The following TYK2 variants were observed in gnomAD, a reference collection of about 807,000 sequenced individuals.
The protein encoded by TYK2 is non-receptor tyrosine-protein kinase TYK2.
In TYK2, 65 loss-of-function variants were observed where a neutral mutation model predicts 130.9. The observed-to-expected ratio is 0.50, with a 90% CI of 0.41 to 0.61. The LOEUF (loss-of-function observed/expected upper bound fraction) is 0.61, where lower values mean the gene tolerates loss of function less well. Ranked by LOEUF, TYK2 falls within the 20% of genes least tolerant of loss-of-function variation. TYK2 has a pLI of 0.00. For synonymous variants in TYK2, 647 were observed against 658.9 expected, an observed-to-expected ratio of 0.98 and a Z score of 0.28; for missense variants, 1,378 against 1,610.7, an observed-to-expected ratio of 0.86 and a Z score of 2.47.
At chr19:10,356,905 G>T in intron 17 of TYK2, 187 bp from the exon 18 acceptor site, 1 of 647,046 alleles carries the variant, frequency 1.5e-6, no homozygotes, top group Admixed American at 2.4e-5. Flanking sequence ...ACCAGGACTG[G>T]GACCCAGGTC....
At chr19:10,369,937 G>C (rs775980456) in intron 3 of TYK2, 4 of 330,958 alleles carry the variant, frequency 1.2e-5, no homozygotes, top group African/African-American at 2.2e-5. Flanking sequence ...CCAGCTACTT[G>C]GGAGGCTGAG....
intron 15 of TYK2, among the ~76,000 whole-genome samples, chr19:10,358,393 T>C (rs1333202295): frequency 6.7e-6 from 1 of 149,102 alleles, no homozygotes; most frequent in Non-Finnish European, 1.5e-5. Flanking sequence ...TTCAAACTCC[T>C]GGGCTCAAGC....
At position 10,361,833 on chromosome 19, in the gene TYK2, G is replaced by C; in HGVS notation, c.1896C>G (p.Asp632Glu). The change falls in exon 13 of 25, where the codon GAC (aspartate) becomes GAG (glutamate). Residue 632 changes from aspartate to glutamate, a missense_variant. Asp to Glu is a conservative substitution (Grantham distance 45). Transcript: ENST00000525621. This position sits in a 1 kb window ranked among gnomAD's most constrained non-coding sequence, Gnocchi z 4.0. ...GCACCACTCGTAGCTCCTGCCCACG[G>C]TCCCTGCCAGGCACGAGGGGGTCCT... ...DDEDPLVPGR[D>E]RGQELRVVLK... 1 of 1,613,970 alleles carries C rather than the reference G, an allele frequency of 6.2e-7. No individual in the cohort carries two copies. Among genetic ancestry groups the C allele is most frequent in the East Asian group, 2.2e-5 (1 of 44,880 alleles).
chr19:10,366,503 A>G lies in TYK2; in HGVS notation c.543T>C (p.Asn181=). ...GCAGAAAGGCCATGCCCAGGCTCTC[A>G]TTCTTAAAGTGGTGGATCTCCTCCT... ...STEEEIHHFK[N]ESLGMAFLHL... Residue 181 remains asparagine (N), a synonymous_variant, in exon 6 of 25, where the codon AAT becomes AAC. Coordinates refer to ENST00000525621, the MANE Select transcript of TYK2 (RefSeq NM_003331.5). The G allele has an allele frequency of 6.2e-7, 1 of 1,614,070 alleles. No homozygotes were observed. Among genetic ancestry groups the G allele is most frequent in the Non-Finnish European group, 8.5e-7 (1 of 1,179,998 alleles).
chr19:10,360,988 T>G (rs1044897204), intron 14 of TYK2: 17 of 353,146 alleles, frequency 4.8e-5, no homozygotes, highest in African/African-American at 3.6e-4. Flanking sequence ...CTCCTGGGTT[T>G]AAGCGATCCT....
chr19:10,363,938 CCAGA>C (rs771048226), intron 9 of TYK2, among the ~76,000 whole-genome samples: 6 of 152,268 alleles, frequency 3.9e-5, no homozygotes, highest in East Asian at 3.9e-4. Context: ...GGGCCAGTGA[CCAGA>C]CAAAGAGACA....
Position 10,361,230 on chromosome 19 carries a change from A to G in TYK2, c.2047+281T>C. Reference sequence around the variant, plus strand: ...GGCTGGACTGTAGAGGTTGTTTGGGAGGTTGATGGAAGTGGGGATGTAGTT... The same window carrying G: ...GGCTGGACTGTAGAGGTTGTTTGGGGGGTTGATGGAAGTGGGGATGTAGTT... On this transcript the variant is annotated intron_variant, in intron 14 of 24. Transcript: ENST00000525621. The surrounding 1 kb of genome is among the most constrained non-coding windows in gnomAD (Gnocchi z 4.0). 1 of 584,916 alleles carries G rather than the reference A, an allele frequency of 1.7e-6. No homozygotes were observed. The highest frequency in any genetic ancestry group is 3.1e-6 in the Non-Finnish European group (1 of 320,700). 36.2% of individuals were successfully genotyped at this position (584,916 alleles called of 1,614,324 possible).
Position 10,364,592 on chromosome 19 carries a change from G to C in TYK2, c.1367+22C>G. On this transcript the variant is annotated intron_variant, in intron 9 of 24. Coordinates refer to ENST00000525621, the MANE Select transcript of TYK2 (RefSeq NM_003331.5). The surrounding 1 kb of genome is among the most constrained non-coding windows in gnomAD (Gnocchi z 4.9). ...TTGGCACCCTTGGCGGTGGCCCCCA[G>C]CGCCCCCCACCCAGCACTCACAGCA... is the stretch of plus-strand genomic sequence containing the variant. 1.2e-6 allele frequency: 2 copies of C among 1,613,340 alleles called. No individual in the cohort carries two copies. The highest frequency in any genetic ancestry group is 1.7e-6 in the Non-Finnish European group (2 of 1,179,896).
At chr19:10,355,502 T>C (rs1262282563) in intron 18 of TYK2, among the ~76,000 whole-genome samples, 1 of 150,660 alleles carries the variant, frequency 6.6e-6, no homozygotes, top group Non-Finnish European at 1.5e-5. Flanking sequence ...TAGCTGGGTG[T>C]GGTGGTGGAC....
chr19:10,359,323 T>G, intron 14 of TYK2, 21 bp from the exon 15 acceptor site: 1 of 1,608,206 alleles, frequency 6.2e-7, no homozygotes, highest in African/African-American at 1.3e-5. Flanking sequence ...ACAGCTGCTC[T>G]GGGGCAACCT....
intron 18 of TYK2, among the ~76,000 whole-genome samples, chr19:10,354,946 C>G (rs2041012668): frequency 6.7e-6 from 1 of 150,330 alleles, no homozygotes; most frequent in Non-Finnish European, 1.5e-5. Flanking sequence ...GTCCCAGCTA[C>G]TCAGGAGGCT....
chr19:10,361,794 G>C lies in TYK2; in HGVS notation c.1935C>G (p.Asp645Glu). Residue 645 changes from aspartate (D) to glutamate (E), a missense_variant, in exon 13 of 25, where the codon GAC (aspartate) becomes GAG (glutamate). Asp to Glu is a conservative substitution (Grantham distance 45, BLOSUM62 2). Coordinates refer to ENST00000525621, the MANE Select transcript of TYK2 (RefSeq NM_003331.5). This position sits in a 1 kb window ranked among gnomAD's most constrained non-coding sequence, Gnocchi z 4.0. Reference sequence around the variant, plus strand: ...CCAGGGCGATGTCATGGTGACTAGGGTCCAGCACTTTGAGCACCACTCGTA... The same window carrying C: ...CCAGGGCGATGTCATGGTGACTAGGCTCCAGCACTTTGAGCACCACTCGTA... The part of the protein sequence containing the change: ...QELRVVLKVL[D>E]PSHHDIALAF... 1.2e-6 allele frequency: 2 copies of C among 1,613,782 alleles called. No individual in the cohort carries two copies. Among genetic ancestry groups the C allele is most frequent in the Non-Finnish European group, 1.7e-6 (2 of 1,179,968 alleles).
chr19:10,362,656 C>T lies in TYK2; in HGVS notation c.1369G>A (p.Glu457Lys). Reference protein sequence around the residue: ...IRDGIHGPLLEPFVQAKLRPE... With the variant: ...IRDGIHGPLLKPFVQAKLRPE... ...CGCAGCTTGGCCTGCACAAATGGCT[C>T]CCTGGAAGGTGGTCCAGGGGGACTA... The change falls in exon 10 of 25, where the codon GAG becomes AAG. Residue 457 changes from glutamate (E) to lysine (K), a missense_variant and splice_region_variant. Glu to Lys is a moderately conservative substitution (Grantham distance 56). Coordinates refer to ENST00000525621, the MANE Select transcript of TYK2 (RefSeq NM_003331.5). 6.4e-7 allele frequency: 1 copy of T among 1,551,318 alleles called. No homozygotes were observed.
At chr19:10,372,484 A>ATATATATATATATATATT (rs1390400916) in intron 3 of TYK2, among the ~76,000 whole-genome samples, 2 of 37,422 alleles carry the variant, frequency 5.3e-5, no homozygotes, top group Non-Finnish European at 9.0e-5. Context: ...ATATATATAT[A>ATATATATATATATATATT]TTTTTTTTTT....
At chr19:10,352,399 C>T (rs768527919) in intron 23 of TYK2, 35 bp downstream of exon 23, 13 of 1,428,746 alleles carry the variant, frequency 9.1e-6, no homozygotes, top group Non-Finnish European at 6.9e-6. Context: ...ATTGCTCTAG[C>T]AAACTCCCGG....
intron 3 of TYK2, among the ~76,000 whole-genome samples, chr19:10,373,522 G>C (rs1000522719): frequency 1.3e-5 from 2 of 151,848 alleles, no homozygotes; most frequent in Admixed American, 1.3e-4. Context: ...GTAGAGACGG[G>C]GTTTCACCAT....
In TYK2 at chr19:10,366,451, C is replaced by T; in HGVS notation, c.595G>A (p.Gly199Ser). ...LHLCHLALRH[G>S]IPLEEVAKKT... ...TTGGCCACCTCCTCCAGGGGGATGC[C>T]ATGGCGGAGAGCGAGGTGACAGAGG... Residue 199 changes from glycine (G) to serine (S), a missense_variant, in exon 6 of 25, where the codon GGC becomes AGC. By Grantham distance (56) the Gly-to-Ser change is moderately conservative. Coordinates refer to ENST00000525621, the MANE Select transcript of TYK2 (RefSeq NM_003331.5). The T allele has an allele frequency of 6.2e-7, 1 of 1,614,140 alleles. No homozygotes were observed. The highest frequency in any genetic ancestry group is 1.6e-4 in the Middle Eastern group (1 of 6,062).
chr19:10,368,936 G>A (rs1006924153), intron 3 of TYK2, among the ~76,000 whole-genome samples: 2 of 151,848 alleles, frequency 1.3e-5, no homozygotes, highest in Non-Finnish European at 2.9e-5. Flanking sequence ...AGCCTCCTGA[G>A]TTGCTGGGAT....
Position 10,359,161 on chromosome 19 carries a change from C to T in TYK2, c.2175+14G>A. On this transcript the variant is annotated intron_variant, in intron 15 of 24. Coordinates refer to ENST00000525621, the MANE Select transcript of TYK2 (RefSeq NM_003331.5). ...CTCCCTGACCGACCCAGGCCCCACA[C>T]ACAGGCCACACACCAGGTAGCTGAG... The T allele has an allele frequency of 6.2e-7, 1 of 1,600,582 alleles. No homozygotes were observed. Among genetic ancestry groups the T allele is most frequent in the Non-Finnish European group, 8.5e-7 (1 of 1,179,798 alleles).
Sources: allele counts gnomAD v4.1 joint callset (sites outside exome capture counted in the v4.1 genomes callset), GRCh38; gene constraint gnomAD v4.1.1; non-coding constraint Gnocchi (gnomAD v3.1); transcripts MANE v1.5; gene names NCBI Gene and HGNC (gene_info 2026-07-23, HGNC 2026-07-21).